The following GRIK2 variants were observed in gnomAD, a reference collection of about 807,000 sequenced individuals.
GRIK2 encodes glutamate receptor ionotropic, kainate 2.
A neutral mutation model predicts 100.3 loss-of-function variants in GRIK2; 32 were observed. The observed-to-expected ratio is 0.32, with a 90% confidence interval of 0.24 to 0.43. GRIK2 has a LOEUF of 0.43. GRIK2 is among the 20% of genes least tolerant of loss of function. The pLI, the probability that GRIK2 is intolerant of heterozygous loss-of-function variation, is 1.00. For synonymous variants in GRIK2, 417 were observed against 389.4 expected, an observed-to-expected ratio of 1.07 and a Z score of -0.83; for missense variants, 843 against 1,114.9, an observed-to-expected ratio of 0.76 and a Z score of 3.47.
At chr6:101,770,579 C>G (rs1778336926) in intron 7 of GRIK2, among the ~76,000 whole-genome samples, 1 of 152,172 alleles carries the variant, frequency 6.6e-6, no homozygotes, top group Admixed American at 6.5e-5. Flanking sequence ...TTAACTGATA[C>G]AGCTTAATTG....
chr6:101,593,134 G>C (rs2128307396), intron 2 of GRIK2, among the ~76,000 whole-genome samples: 1 of 151,944 alleles, frequency 6.6e-6, no homozygotes, highest in East Asian at 1.9e-4. Flanking sequence ...CAATGATTGT[G>C]ATCTAAGTAA....
At chr6:101,896,303 G>A (rs890588795) in intron 12 of GRIK2, among the ~76,000 whole-genome samples, 1 of 151,658 alleles carries the variant, frequency 6.6e-6, no homozygotes, top group Non-Finnish European at 1.5e-5. Context: ...GGACAAAGAA[G>A]ATAATTTAAT....
intron 2 of GRIK2, among the ~76,000 whole-genome samples, chr6:101,601,621 T>A (rs772576658): frequency 5.3e-5 from 8 of 151,978 alleles, no homozygotes; most frequent in African/African-American, 1.9e-4. Context: ...TCAATGTTGA[T>A]CTGTTCAGGG....
At chr6:101,912,742 G>T (rs79250956) in intron 12 of GRIK2, among the ~76,000 whole-genome samples, 2 of 151,388 alleles carry the variant, frequency 1.3e-5, no homozygotes, top group Non-Finnish European at 3.0e-5. Flanking sequence ...TTCCACTGAG[G>T]CTGGCCATCC....
chr6:101,687,196 T>C (rs894488572), intron 7 of GRIK2, among the ~76,000 whole-genome samples: 1 of 152,048 alleles, frequency 6.6e-6, no homozygotes, highest in Non-Finnish European at 1.5e-5. Flanking sequence ...ATTTCAGTCA[T>C]ATTTACTCTG....
At chr6:101,877,340 C>T (rs1053230661) in intron 11 of GRIK2, among the ~76,000 whole-genome samples, 1 of 151,870 alleles carries the variant, frequency 6.6e-6, no homozygotes, top group African/African-American at 2.4e-5. Flanking sequence ...AACATGCAGA[C>T]TATTTTTTGC....
At chr6:101,417,419 A>C (rs1776204682) in intron 2 of GRIK2, among the ~76,000 whole-genome samples, 1 of 152,144 alleles carries the variant, frequency 6.6e-6, no homozygotes, top group East Asian at 1.9e-4. Context: ...ACCTCAGCAC[A>C]AATGTTTTCA....
chr6:101,897,040 A>G (rs981852573), intron 12 of GRIK2, among the ~76,000 whole-genome samples: 3 of 150,800 alleles, frequency 2.0e-5, no homozygotes, highest in African/African-American at 7.3e-5. Flanking sequence ...ACAGACACAT[A>G]CACATGCACA....
chr6:102,033,188 A>G (rs1440353098), intron 14 of GRIK2, among the ~76,000 whole-genome samples: 1 of 151,310 alleles, frequency 6.6e-6, no homozygotes, highest in Non-Finnish European at 1.5e-5. Context: ...CACATGCTAA[A>G]ATTTATATAT....
chr6:101,462,252 T>C (rs938146389), intron 2 of GRIK2, among the ~76,000 whole-genome samples: 3 of 152,222 alleles, frequency 2.0e-5, no homozygotes, highest in Admixed American at 6.5e-5. Flanking sequence ...ATTTTTCTGA[T>C]ATAGCAATGT....
intron 14 of GRIK2, among the ~76,000 whole-genome samples, chr6:101,983,735 C>CAAAG (rs1429596257): frequency 6.6e-6 from 1 of 151,690 alleles, no homozygotes; most frequent in Non-Finnish European, 1.5e-5. Context: ...TTATCAATCT[C>CAAAG]AAAGAAAATA....
intron 2 of GRIK2, among the ~76,000 whole-genome samples, chr6:101,562,386 T>C (rs889117334): frequency 5.3e-5 from 8 of 152,148 alleles, no homozygotes; most frequent in Non-Finnish European, 5.9e-5. Context: ...TTGCCCAAGC[T>C]GGAATGCAGT....
chr6:101,478,022 T>G (rs1772336706), intron 2 of GRIK2, among the ~76,000 whole-genome samples: 1 of 152,104 alleles, frequency 6.6e-6, no homozygotes, highest in African/African-American at 2.4e-5. Context: ...GCTCAGTGAG[T>G]ATCTTTGAGT....
At chr6:101,909,705 T>A (rs1221515938) in intron 12 of GRIK2, among the ~76,000 whole-genome samples, 1 of 146,560 alleles carries the variant, frequency 6.8e-6, no homozygotes, top group African/African-American at 2.5e-5. Context: ...ATAATGTGTG[T>A]ATGTGTGTAA....
rs71028069 is a variant in GRIK2 at position 101,464,497 on chromosome 6, C to CTTTTTTTTTT, written c.115+65134_115+65143dup. On this transcript the variant is annotated intron_variant, in intron 2 of 16. Transcript: ENST00000369134. The stretch of plus-strand genomic sequence containing the variant: ...TAATTTTTACCTTTTCTTTTTCTTT[C>CTTTTTTTTTT]TTTTTTTTTTTTTTTTTTTTTTTTT... Among the ~76,000 whole-genome samples, 37 of 62,036 alleles carry CTTTTTTTTTT rather than the reference C, an allele frequency of 6.0e-4. 2 individuals are homozygous for CTTTTTTTTTT. Among genetic ancestry groups the CTTTTTTTTTT allele is most frequent in the Admixed American group, 1.3e-3 (6 of 4,630 alleles). 40.7% of individuals were successfully genotyped at this position (62,036 alleles called of 152,430 possible). A position where few individuals can be genotyped will look rare whatever the true frequency, so the allele number is the denominator to read the frequency against.
At chr6:101,826,909 T>G (rs1782372101) in intron 10 of GRIK2, among the ~76,000 whole-genome samples, 1 of 151,972 alleles carries the variant, frequency 6.6e-6, no homozygotes, top group Non-Finnish European at 1.5e-5. Context: ...ACAGCACAAC[T>G]AGCAAAACTC....
intron 7 of GRIK2, among the ~76,000 whole-genome samples, chr6:101,779,884 T>C (rs1472086401): frequency 6.6e-6 from 1 of 152,136 alleles, no homozygotes; most frequent in East Asian, 1.9e-4. Context: ...TCTCTATATA[T>C]ATATAAAATT....
intron 2 of GRIK2, among the ~76,000 whole-genome samples, chr6:101,563,599 G>T (rs1777124438): frequency 6.6e-6 from 1 of 151,974 alleles, no homozygotes; most frequent in South Asian, 2.1e-4. Flanking sequence ...ATTTTTAAAG[G>T]CTGAATATCT....
intron 10 of GRIK2, among the ~76,000 whole-genome samples, chr6:101,841,853 A>T (rs1425285206): frequency 1.5e-5 from 2 of 133,940 alleles, no homozygotes; most frequent in Non-Finnish European, 3.0e-5. Context: ...CCATTTCTAT[A>T]ATTAGTTGAC....
Sources: gnomAD v4.1 joint callset for allele counts (sites outside exome capture counted in the v4.1 genomes callset) on GRCh38, gnomAD v4.1.1 for gene constraint, MANE v1.5 for transcripts, NCBI Gene and HGNC (gene_info 2026-07-23, HGNC 2026-07-21) for gene names.